SPAG16: variants seen among roughly 807,000 people sequenced by gnomAD.
SPAG16 encodes the protein sperm-associated antigen 16 protein.
SPAG16 carries 86 observed loss-of-function variants against 80.4 expected under a neutral mutation model. The ratio of observed to expected loss-of-function variants is 1.07; its 90% CI spans 0.90 to 1.28. The LOEUF (loss-of-function observed/expected upper bound fraction) is 1.28, where lower values mean the gene tolerates loss of function less well. Among genes scored for constraint, SPAG16 ranks in the 50% most tolerant of loss-of-function variants. SPAG16 has a pLI of 0.00. For missense variants in SPAG16, 870 were observed against 765.3 expected, an observed-to-expected ratio of 1.14 and a Z score of -1.61; for synonymous variants, 294 against 265.9, an observed-to-expected ratio of 1.11 and a Z score of -1.03.
chr2:213,992,573 A>T (rs977429530), intron 12 of SPAG16, among the ~76,000 whole-genome samples: 3 of 152,206 alleles, frequency 2.0e-5, no homozygotes, highest in Non-Finnish European at 4.4e-5. Flanking sequence ...TTTGTTTTCT[A>T]AAGGAACATT....
chr2:214,383,394 G>A (rs1574466553), intron 15 of SPAG16, among the ~76,000 whole-genome samples: 1 of 151,836 alleles, frequency 6.6e-6, no homozygotes, highest in Non-Finnish European at 1.5e-5. Context: ...CCACCATGGC[G>A]AAACCCCATC....
chr2:213,930,060 G>T lies in SPAG16; in HGVS notation c.1315G>T (p.Val439Leu). Residue 439 changes from valine (V) to leucine (L), a missense_variant, in exon 12 of 16, where the codon GTG becomes TTG. By Grantham distance (32) the Val-to-Leu change is conservative (BLOSUM62 1). Coordinates refer to ENST00000331683, the MANE Select transcript of SPAG16 (RefSeq NM_024532.5). ...GACCTTTGAAGGACACAGCCGCGCA[G>T]TGTGGTCCTGCACATGGCACTCCTG... ...ILTFEGHSRA[V>L]WSCTWHSCGN... 1 of 1,614,188 alleles carries T rather than the reference G, an allele frequency of 6.2e-7. No homozygotes were observed. The highest frequency in any genetic ancestry group is 8.5e-7 in the Non-Finnish European group (1 of 1,180,010).
chr2:214,037,211 A>G (rs2048743379), intron 13 of SPAG16, among the ~76,000 whole-genome samples: 1 of 144,238 alleles, frequency 6.9e-6, no homozygotes, highest in Admixed American at 6.8e-5. Context: ...GATAGTATGT[A>G]TACTTTAATA....
At chr2:213,502,379 T>A (rs988016687) in intron 10 of SPAG16, among the ~76,000 whole-genome samples, 3 of 152,138 alleles carry the variant, frequency 2.0e-5, no homozygotes, top group Admixed American at 6.6e-5. Flanking sequence ...TGCCTCAGCC[T>A]CCCAAATTGC....
intron 12 of SPAG16, among the ~76,000 whole-genome samples, chr2:213,987,819 T>C (rs1262473262): frequency 6.8e-6 from 1 of 147,504 alleles, no homozygotes; most frequent in Non-Finnish European, 1.5e-5. Flanking sequence ...AAAATATATA[T>C]ATACATATTT....
intron 9 of SPAG16, among the ~76,000 whole-genome samples, chr2:213,471,256 C>T (rs1046970833): frequency 2.0e-5 from 3 of 152,138 alleles, no homozygotes; most frequent in Admixed American, 1.3e-4. Flanking sequence ...AGAGAAGGTA[C>T]GGAGGCAGGA....
At chr2:213,386,685 T>G (rs775621081) in intron 9 of SPAG16, among the ~76,000 whole-genome samples, 16 of 152,184 alleles carry the variant, frequency 1.1e-4, no homozygotes, top group Non-Finnish European at 2.1e-4. Flanking sequence ...TTTTACAAAG[T>G]TGGTTACATT....
chr2:214,022,980 G>A (rs2047952854), intron 13 of SPAG16, among the ~76,000 whole-genome samples: 1 of 151,854 alleles, frequency 6.6e-6, no homozygotes, highest in South Asian at 2.1e-4. Flanking sequence ...ACAATTTGAT[G>A]ACATGAATCT....
intron 4 of SPAG16, among the ~76,000 whole-genome samples, chr2:213,316,033 T>C (rs1379717835): frequency 7.2e-5 from 11 of 152,040 alleles, no homozygotes; most frequent in Admixed American, 7.2e-4. Flanking sequence ...ATAGTATCTA[T>C]AATGTTGATT....
At chr2:214,213,004 C>G (rs2058336955) in intron 15 of SPAG16, among the ~76,000 whole-genome samples, 1 of 152,204 alleles carries the variant, frequency 6.6e-6, no homozygotes, top group African/African-American at 2.4e-5. Context: ...TTTTCCTCCC[C>G]TATTGAGTAC....
intron 10 of SPAG16, among the ~76,000 whole-genome samples, chr2:213,825,396 C>T (rs2073212032): frequency 6.6e-6 from 1 of 151,916 alleles, no homozygotes; most frequent in South Asian, 2.1e-4. Flanking sequence ...GAGGTATGTT[C>T]CTTCTATTCC....
chr2:213,853,563 C>T (rs2075013509), intron 10 of SPAG16, among the ~76,000 whole-genome samples: 1 of 152,218 alleles, frequency 6.6e-6, no homozygotes, highest in Non-Finnish European at 1.5e-5. Context: ...GCAGGACTAG[C>T]ATTCACCCAC....
At chr2:214,274,762 T>C (rs1258976089) in intron 15 of SPAG16, among the ~76,000 whole-genome samples, 1 of 152,204 alleles carries the variant, frequency 6.6e-6, no homozygotes, top group Non-Finnish European at 1.5e-5. Context: ...AATTCTCTTT[T>C]TTGTTGTGTC....
chr2:213,371,884 G>A (rs2066659202), intron 8 of SPAG16, among the ~76,000 whole-genome samples: 1 of 152,032 alleles, frequency 6.6e-6, no homozygotes, highest in Non-Finnish European at 1.5e-5. Flanking sequence ...GCCATACAAA[G>A]ATAATATTAA....
intron 15 of SPAG16, among the ~76,000 whole-genome samples, chr2:214,226,212 C>A (rs111232691): frequency 6.6e-6 from 1 of 152,020 alleles, no homozygotes; most frequent in African/African-American, 2.4e-5. Flanking sequence ...AGGGGCTAGC[C>A]CGTCTAGGAT....
At chr2:214,334,961 G>GAAAT (rs1697177633) in intron 15 of SPAG16, among the ~76,000 whole-genome samples, 1 of 152,158 alleles carries the variant, frequency 6.6e-6, no homozygotes, top group Non-Finnish European at 1.5e-5. Flanking sequence ...GGGTTCCAGG[G>GAAAT]AAATAGACTT....
intron 13 of SPAG16, among the ~76,000 whole-genome samples, chr2:214,059,455 T>A (rs2050143911): frequency 6.6e-6 from 1 of 151,600 alleles, no homozygotes; most frequent in South Asian, 2.1e-4. Context: ...CATATTCTTG[T>A]GGGGTTTTTG....
intron 15 of SPAG16, among the ~76,000 whole-genome samples, chr2:214,168,310 T>C (rs2056743160): frequency 6.6e-6 from 1 of 152,094 alleles, no homozygotes; most frequent in South Asian, 2.1e-4. Flanking sequence ...AATTTTTCTA[T>C]GCTTAAGTTT....
chr2:214,314,054 T>A (rs1344121056), intron 15 of SPAG16, among the ~76,000 whole-genome samples: 2 of 152,150 alleles, frequency 1.3e-5, no homozygotes, highest in African/African-American at 4.8e-5. Context: ...CTAATAATTT[T>A]GTATTTATTT....
Sources: gnomAD v4.1 joint callset for allele counts (sites outside exome capture counted in the v4.1 genomes callset) on GRCh38, gnomAD v4.1.1 for gene constraint, MANE v1.5 for transcripts, NCBI Gene and HGNC (gene_info 2026-07-23, HGNC 2026-07-21) for gene names.